UBR1: variants seen among roughly 807,000 people sequenced by gnomAD.
UBR1 encodes the protein E3 ubiquitin-protein ligase UBR1.
A neutral mutation model predicts 242.1 loss-of-function variants in UBR1; 102 were observed. The ratio of observed to expected loss-of-function variants is 0.42; its 90% CI spans 0.36 to 0.50. The LOEUF (loss-of-function observed/expected upper bound fraction) is 0.50, where lower values mean the gene tolerates loss of function less well. UBR1 is among the 20% of genes least tolerant of loss of function. The probability of loss-of-function intolerance (pLI) is 0.01; values close to 1 mark genes in which losing one functional copy is unlikely to be tolerated. For missense variants in UBR1, 1,772 were observed against 2,101.8 expected (o/e 0.84, Z 3.07); for synonymous variants, 675 against 684.8 (o/e 0.99, Z 0.22).
chr15:43,014,520 G>A (rs796642576), intron 29 of UBR1, among the ~76,000 whole-genome samples: 3 of 142,382 alleles, frequency 2.1e-5, no homozygotes, highest in South Asian at 2.3e-4. Flanking sequence ...TGTGGGGAGC[G>A]CCTCTGCCCC....
chr15:43,004,039 TAGG>T, intron 30 of UBR1, 109 bp from the exon 31 acceptor site: 3 of 899,516 alleles, frequency 3.3e-6, no homozygotes, highest in Non-Finnish European at 5.6e-6. Flanking sequence ...AATATCATGA[TAGG>T]AGGATATATA....
intron 33 of UBR1, among the ~76,000 whole-genome samples, chr15:42,996,677 T>A (rs1267602600): frequency 6.6e-6 from 1 of 152,228 alleles, no homozygotes; most frequent in Non-Finnish European, 1.5e-5. Context: ...CCATCACCGC[T>A]ATTTCTTCCT....
chr15:43,008,655 G>C (rs2032871024), intron 29 of UBR1, among the ~76,000 whole-genome samples: 1 of 152,216 alleles, frequency 6.6e-6, no homozygotes, highest in Admixed American at 6.5e-5. Context: ...GTCAGTTACA[G>C]GTGGAATCCA....
At chr15:43,104,976 C>T (rs1002016866) in intron 1 of UBR1, among the ~76,000 whole-genome samples, 1 of 151,906 alleles carries the variant, frequency 6.6e-6, no homozygotes, top group African/African-American at 2.4e-5. Context: ...TGCAGTGAGC[C>T]GAGATTACAC....
intron 20 of UBR1, among the ~76,000 whole-genome samples, chr15:43,032,015 C>A (rs2033263899): frequency 1.3e-5 from 2 of 152,034 alleles, no homozygotes; most frequent in South Asian, 4.1e-4. Context: ...GCCTGGGCGA[C>A]AGAGCAAGAC....
At chr15:43,076,088 C>T (rs1208539724) in intron 3 of UBR1, among the ~76,000 whole-genome samples, 1 of 152,140 alleles carries the variant, frequency 6.6e-6, no homozygotes, top group Non-Finnish European at 1.5e-5. Flanking sequence ...GATTCTCCTG[C>T]CTCAGCCTGC....
chr15:43,014,733 G>C (rs1003606415), intron 29 of UBR1, among the ~76,000 whole-genome samples: 26 of 151,190 alleles, frequency 1.7e-4, no homozygotes, highest in Non-Finnish European at 3.4e-4. Flanking sequence ...CAGCCACCCC[G>C]TCTGGGAAGT....
intron 35 of UBR1, 31 bp downstream of exon 35, chr15:42,988,788 A>C (rs2032513118): frequency 1.2e-6 from 2 of 1,614,062 alleles, no homozygotes; most frequent in Non-Finnish European, 8.5e-7. Flanking sequence ...TCTCACTGAA[A>C]CCTCCAAACC....
chr15:43,019,342 C>T (rs1029332065), intron 27 of UBR1, among the ~76,000 whole-genome samples: 2 of 152,228 alleles, frequency 1.3e-5, no homozygotes, highest in African/African-American at 4.8e-5. Context: ...GGATTACAGG[C>T]GTGAGCCACC....
At chr15:42,988,595 T>A (rs1404773661) in intron 35 of UBR1, 1 of 576,578 alleles carries the variant, frequency 1.7e-6, no homozygotes, top group African/African-American at 1.9e-5. Context: ...TAAAAATATT[T>A]TTTTTAACTT....
intron 11 of UBR1, among the ~76,000 whole-genome samples, chr15:43,055,106 A>G (rs911294993): frequency 3.3e-5 from 5 of 152,218 alleles, no homozygotes; most frequent in Admixed American, 2.0e-4. Context: ...TAACTAGACA[A>G]CACCTATCTG....
At chr15:42,948,872 G>C (rs1263332349) in intron 46 of UBR1, among the ~76,000 whole-genome samples, 1 of 152,182 alleles carries the variant, frequency 6.6e-6, no homozygotes, top group South Asian at 2.1e-4. Context: ...TCAGTGTGGC[G>C]ATTCCTCAAG....
At chr15:43,087,095 C>T (rs765267387) in intron 1 of UBR1, among the ~76,000 whole-genome samples, 3 of 152,096 alleles carry the variant, frequency 2.0e-5, no homozygotes, top group Middle Eastern at 6.3e-3. Context: ...AAAAACTTAT[C>T]CAAGGAGTTT....
intron 12 of UBR1, among the ~76,000 whole-genome samples, chr15:43,051,853 G>T (rs555842576): frequency 6.6e-6 from 1 of 152,306 alleles, no homozygotes; most frequent in South Asian, 2.1e-4. Flanking sequence ...GGGTGAGACA[G>T]TAAGGGAGTG....
At chr15:42,950,207 A>C in intron 46 of UBR1, 55 bp downstream of exon 46, 1 of 1,412,162 alleles carries the variant, frequency 7.1e-7, no homozygotes, top group South Asian at 1.2e-5. Context: ...ATAGAAAACA[A>C]TCAACATAAA....
At chr15:43,021,102 A>T (rs544373295) in intron 27 of UBR1, 173 bp downstream of exon 27, 1 of 563,550 alleles carries the variant, frequency 1.8e-6, no homozygotes, top group Admixed American at 3.2e-5. Context: ...ATCTTAGTTT[A>T]TTTTTAAAAC....
intron 25 of UBR1, 80 bp downstream of exon 25, chr15:43,024,749 T>C: frequency 6.3e-7 from 1 of 1,596,128 alleles, no homozygotes; most frequent in Non-Finnish European, 8.6e-7. Flanking sequence ...TGGTTCCAAC[T>C]GAAGTTAGAC....
chr15:43,015,069 G>C (rs976650307), intron 29 of UBR1, among the ~76,000 whole-genome samples: 1 of 150,758 alleles, frequency 6.6e-6, no homozygotes, highest in South Asian at 2.1e-4. Context: ...GAGGTGGGGG[G>C]CACCTCGGCC....
rs2033159327 is a variant in UBR1 at position 43,024,891 on chromosome 15, T to C, written c.2677A>G (p.Thr893Ala). ...NCDIMMYILR[T>A]VFERAIDTDS... ...GTGTCTATTGCCCGCTCAAATACGGTCCTGAGAATGTACATCATGATATCA... is the reference window on the plus strand; with the variant it reads ...GTGTCTATTGCCCGCTCAAATACGGCCCTGAGAATGTACATCATGATATCA... Residue 893 changes from threonine (T) to alanine (A), a missense_variant, in exon 25 of 47, where the codon ACC (threonine) becomes GCC (alanine). Physicochemically the swap from Thr to Ala is moderately conservative, Grantham distance 58. Coordinates refer to ENST00000290650, the MANE Select transcript of UBR1 (RefSeq NM_174916.3). 1.9e-6 allele frequency: 3 copies of C among 1,614,086 alleles called. No individual in the cohort carries two copies. In the African/African-American group the frequency reaches 4.0e-5, roughly 22 times the overall value.
Sources: allele counts gnomAD v4.1 joint callset (sites outside exome capture counted in the v4.1 genomes callset), GRCh38; gene constraint gnomAD v4.1.1; transcripts MANE v1.5; gene names NCBI Gene and HGNC (gene_info 2026-07-23, HGNC 2026-07-21).